The following DDR2 variants were observed in gnomAD, a reference collection of about 807,000 sequenced individuals.
DDR2 encodes discoidin domain receptor tyrosine kinase 2.
A neutral mutation model predicts 94.9 loss-of-function variants in DDR2; 27 were observed. That is an observed-to-expected ratio of 0.28 (90% CI 0.21 to 0.39). DDR2 has a LOEUF of 0.39. DDR2 is among the 10% of genes least tolerant of loss of function. The pLI, the probability that DDR2 is intolerant of heterozygous loss-of-function variation, is 1.00. For missense variants in DDR2, 783 were observed against 1,076.0 expected, an observed-to-expected ratio of 0.73 and a Z score of 3.81; for synonymous variants, 382 against 377.2, an observed-to-expected ratio of 1.01 and a Z score of -0.15.
chr1:162,691,769 C>A (rs6427693), intron 2 of DDR2, among the ~76,000 whole-genome samples: 2,257 of 152,288 alleles, frequency 0.015, 48 homozygotes, highest in African/African-American at 0.051. Context: ...TGAGCCTGTA[C>A]AAACTGAACT....
chr1:162,766,026 A>G lies in DDR2; in HGVS notation c.1125A>G (p.Glu375=). The G allele has an allele frequency of 6.2e-7, 1 of 1,613,904 alleles. No homozygotes were observed. Among genetic ancestry groups the G allele is most frequent in the East Asian group, 2.2e-5 (1 of 44,870 alleles). Residue 375 remains glutamate (E), a synonymous_variant, in exon 10 of 18, where the codon GAA becomes GAG. Coordinates refer to ENST00000367921, the MANE Select transcript of DDR2 (RefSeq NM_006182.4). ...QSDAAMYNNS[E]ALPTSPMAPT... ...ATGCTGCAATGTACAACAACTCTGA[A>G]GCCCTGCCCACCTCTCCTATGGCAC...
At chr1:162,767,554 G>T (rs1664059327) in intron 11 of DDR2, among the ~76,000 whole-genome samples, 195 bp downstream of exon 11, 1 of 152,094 alleles carries the variant, frequency 6.6e-6, no homozygotes, top group African/African-American at 2.4e-5. Context: ...TGGAGATGTT[G>T]GAACCTTCCT....
At chr1:162,677,150 A>C (rs1016170023) in intron 2 of DDR2, among the ~76,000 whole-genome samples, 1 of 152,128 alleles carries the variant, frequency 6.6e-6, no homozygotes, top group Non-Finnish European at 1.5e-5. Flanking sequence ...CGATAATAGC[A>C]TACTTGAGAT....
At chr1:162,659,171 A>C (rs1194318118) in intron 2 of DDR2, among the ~76,000 whole-genome samples, 2 of 152,158 alleles carry the variant, frequency 1.3e-5, no homozygotes, top group African/African-American at 2.4e-5. Context: ...TTGGTTTCTC[A>C]TGGGCTAATA....
chr1:162,663,809 T>C (rs1196644534), intron 2 of DDR2, among the ~76,000 whole-genome samples: 1 of 152,126 alleles, frequency 6.6e-6, no homozygotes, highest in Non-Finnish European at 1.5e-5. Context: ...CAAAAGCCAG[T>C]GATTGCATCC....
intron 2 of DDR2, among the ~76,000 whole-genome samples, chr1:162,675,893 G>A (rs189181408): frequency 1.9e-4 from 29 of 152,248 alleles, no homozygotes; most frequent in African/African-American, 3.6e-4. Flanking sequence ...AGACAGGAAG[G>A]GTGTTCAAAG....
chr1:162,667,762 C>T (rs575187189), intron 2 of DDR2, among the ~76,000 whole-genome samples: 2 of 152,266 alleles, frequency 1.3e-5, no homozygotes, highest in East Asian at 1.9e-4. Context: ...CCCCCACAAC[C>T]CCAACAATGA....
intron 1 of DDR2, among the ~76,000 whole-genome samples, chr1:162,647,851 C>G (rs1317693612): frequency 6.6e-6 from 1 of 152,118 alleles, no homozygotes; most frequent in East Asian, 1.9e-4. Flanking sequence ...TTTACTGCAT[C>G]CTGCTTTATC....
At chr1:162,642,665 T>C (rs1319686338) in intron 1 of DDR2, among the ~76,000 whole-genome samples, 1 of 152,120 alleles carries the variant, frequency 6.6e-6, no homozygotes, top group African/African-American at 2.4e-5. Context: ...CAGATTTGGT[T>C]TCTCCTGGTT....
At chr1:162,682,771 A>G (rs561852964) in intron 2 of DDR2, among the ~76,000 whole-genome samples, 31 of 152,322 alleles carry the variant, frequency 2.0e-4, no homozygotes, top group African/African-American at 7.5e-4. Context: ...TGTTTAACAC[A>G]TGTAATTACT....
In DDR2 at chr1:162,653,298, C is replaced by T. The variant is rs373713645; in HGVS notation, c.-191-1913C>T. On this transcript the variant is annotated intron_variant, in intron 1 of 17. Coordinates refer to ENST00000367921, the MANE Select transcript of DDR2 (RefSeq NM_006182.4). ...AGCTTTCAGAAAATTGTTTGGGGGCCGGGCATGGTGGCTTGTGCCTGTAAT... is the reference window on the plus strand; with the variant it reads ...AGCTTTCAGAAAATTGTTTGGGGGCTGGGCATGGTGGCTTGTGCCTGTAAT... Among the ~76,000 whole-genome samples the T allele has an allele frequency of 2.5e-3, 378 of 152,104 alleles. 2 individuals are homozygous for T. The highest frequency in any genetic ancestry group is 8.3e-3 in the African/African-American group (346 of 41,492).
chr1:162,772,071 G>T lies in DDR2; in HGVS notation c.1552G>T (p.Val518Leu). 1 of 1,613,590 alleles carries T rather than the reference G, an allele frequency of 6.2e-7. No individual in the cohort carries two copies. Among genetic ancestry groups the T allele is most frequent in the Non-Finnish European group, 8.5e-7 (1 of 1,179,862 alleles). ...AGTCCAGCCCAGTGGCCCTGAGGGGGTGCCCCACTATGCAGAGGCTGACAT... is the reference window on the plus strand; with the variant it reads ...AGTCCAGCCCAGTGGCCCTGAGGGGTTGCCCCACTATGCAGAGGCTGACAT... Reference protein sequence around the residue: ...KPVQPSGPEGVPHYAEADIVN... With the variant: ...KPVQPSGPEGLPHYAEADIVN... Residue 518 changes from valine to leucine, a missense_variant, in exon 13 of 18, where the codon GTG (valine) becomes TTG (leucine). Physicochemically the swap from Val to Leu is conservative, Grantham distance 32. This residue lies in a region of DDR2 where 264 missense variants were observed against 428.2 expected (regional missense o/e 0.62). Transcript: ENST00000367921.
intron 4 of DDR2, among the ~76,000 whole-genome samples, chr1:162,753,765 A>C (rs970667068): frequency 1.3e-5 from 2 of 152,198 alleles, no homozygotes; most frequent in Non-Finnish European, 1.5e-5. Context: ...GGTCTTGTAC[A>C]TCAATAAACT....
At chr1:162,713,265 C>G (rs1052369735) in intron 2 of DDR2, among the ~76,000 whole-genome samples, 8 of 152,182 alleles carry the variant, frequency 5.3e-5, no homozygotes, top group Admixed American at 3.3e-4. Flanking sequence ...GTGTTCCCCC[C>G]ACACCTCCAA....
At chr1:162,696,122 A>C (rs1160855149) in intron 2 of DDR2, among the ~76,000 whole-genome samples, 1 of 152,092 alleles carries the variant, frequency 6.6e-6, no homozygotes, top group Admixed American at 6.5e-5. Context: ...GTAGGAGAGA[A>C]GTGATAGTAA....
At chr1:162,687,142 T>C (rs1659725533) in intron 2 of DDR2, among the ~76,000 whole-genome samples, 1 of 152,208 alleles carries the variant, frequency 6.6e-6, no homozygotes, top group Admixed American at 6.5e-5. Context: ...TGTCTTCATG[T>C]CCAGCCTCGC....
intron 3 of DDR2, among the ~76,000 whole-genome samples, chr1:162,726,671 C>A (rs1159151256): frequency 3.3e-5 from 5 of 152,162 alleles, no homozygotes; most frequent in Non-Finnish European, 7.3e-5. Context: ...GAGCTTCACA[C>A]AAAGTCCCTT....
chr1:162,655,822 A>G (rs1355571021), intron 2 of DDR2, among the ~76,000 whole-genome samples: 2 of 151,970 alleles, frequency 1.3e-5, no homozygotes, highest in Non-Finnish European at 2.9e-5. Flanking sequence ...TCTTCTGGGA[A>G]TAATTTGAGG....
At chr1:162,696,199 C>CTT (rs34158006) in intron 2 of DDR2, among the ~76,000 whole-genome samples, 6,118 of 112,408 alleles carry the variant, frequency 0.054, 164 homozygotes, top group East Asian at 0.16. Context: ...GTTTCTTTTC[C>CTT]TTTTTTTTTT....
Sources: allele counts gnomAD v4.1 joint callset (sites outside exome capture counted in the v4.1 genomes callset), GRCh38; gene constraint gnomAD v4.1.1; regional missense constraint gnomAD v4.1.1; transcripts MANE v1.5; gene names NCBI Gene and HGNC (gene_info 2026-07-23, HGNC 2026-07-21).